BPIFB4: variants seen among roughly 807,000 people sequenced by gnomAD.
BPIFB4 encodes BPI fold-containing family B member 4.
In BPIFB4, 62 loss-of-function variants were observed where a neutral mutation model predicts 69.2. That is an observed-to-expected ratio of 0.90 (90% CI 0.73 to 1.11). The LOEUF (loss-of-function observed/expected upper bound fraction) is 1.11. Ranked by LOEUF, BPIFB4 falls within the 50% of genes least tolerant of loss-of-function variation. The pLI, the probability that BPIFB4 is intolerant of heterozygous loss-of-function variation, is 0.00. For missense variants in BPIFB4, 789 were observed against 792.0 expected, an observed-to-expected ratio of 1.00 and a Z score of 0.04; for synonymous variants, 330 against 332.7, an observed-to-expected ratio of 0.99 and a Z score of 0.09.
rs767664604 is a variant in BPIFB4, at chr20:33,107,807, T to C, written c.1808T>C (p.Ile603Thr). 1.2e-5 allele frequency: 19 copies of C among 1,613,830 alleles called. No individual in the cohort carries two copies. In the African/African-American group the frequency reaches 1.2e-4, roughly 10 times the overall value. Residue 603 changes from isoleucine (I) to threonine (T), a missense_variant, in exon 17 of 18, where the codon ATT becomes ACT. Around this residue, in one of 3 missense-constraint regions of BPIFB4, gnomAD observed 170 missense variants for 193.6 expected, o/e 0.88. Transcript: ENST00000375483. ...AACATCGACTTTAGCAATGCAGACATTGACGTGTTGGAGGTAAGAGGAGAT... is the reference window on the plus strand; with the variant it reads ...AACATCGACTTTAGCAATGCAGACACTGACGTGTTGGAGGTAAGAGGAGAT... ...ILNIDFSNAD[I>T]DVLEDLLVLS... is the part of the protein sequence containing the mutation.
At position 33,083,010 on chromosome 20, in the gene BPIFB4, G is replaced by C; in HGVS notation, c.169+10G>C. 1 of 1,607,338 alleles carries C rather than the reference G, an allele frequency of 6.2e-7. No homozygotes were observed. The highest frequency in any genetic ancestry group is 1.1e-5 in the South Asian group (1 of 90,844). On this transcript the variant is annotated intron_variant, in intron 4 of 17. Coordinates refer to ENST00000375483, the MANE Select transcript of BPIFB4 (RefSeq NM_182519.3). ...AGAGAGGTGCCCTTGGGTAAAGCCCGTGGTGATGGTGGTGGGCCTCTCCTG... is the reference window on the plus strand; with the variant it reads ...AGAGAGGTGCCCTTGGGTAAAGCCCCTGGTGATGGTGGTGGGCCTCTCCTG...
At position 33,083,666 on chromosome 20, in the gene BPIFB4, A is replaced by G; in HGVS notation, c.469A>G (p.Ile157Val). ...CCGGCGAGAGCTGCAGCCTGGAGAA[A>G]TCCCACCTGGAGTTGCCACTGGGGC... ...LHRRELQPGE[I>V]PPGVATGAVG... Residue 157 changes from isoleucine (I) to valine (V), a missense_variant, in exon 5 of 18, where the codon ATC (isoleucine) becomes GTC (valine). Ile to Val is a conservative substitution (Grantham distance 29, BLOSUM62 3). Coordinates refer to ENST00000375483, the MANE Select transcript of BPIFB4 (RefSeq NM_182519.3). 1 of 1,614,024 alleles carries G rather than the reference A, an allele frequency of 6.2e-7. No homozygotes were observed. Among genetic ancestry groups the G allele is most frequent in the Non-Finnish European group, 8.5e-7 (1 of 1,179,972 alleles).
At chr20:33,103,591 C>T (rs933686707) in intron 15 of BPIFB4, among the ~76,000 whole-genome samples, 15 of 151,708 alleles carry the variant, frequency 9.9e-5, no homozygotes, top group East Asian at 3.9e-4. Context: ...GCCCCACCCC[C>T]ACCTAAGGCT....
At chr20:33,084,286 G>A (rs935479770) in intron 5 of BPIFB4, among the ~76,000 whole-genome samples, 4 of 152,202 alleles carry the variant, frequency 2.6e-5, no homozygotes, top group Non-Finnish European at 5.9e-5. Context: ...CTCCTGCTAT[G>A]TGCAGAGTAC....
chr20:33,099,213 C>T (rs962624137), intron 13 of BPIFB4, among the ~76,000 whole-genome samples: 1 of 152,190 alleles, frequency 6.6e-6, no homozygotes, highest in African/African-American at 2.4e-5. Context: ...GTCCCTCCTA[C>T]TCCCAAAGCT....
chr20:33,093,203 C>T, intron 11 of BPIFB4, among the ~76,000 whole-genome samples: 1 of 152,130 alleles, frequency 6.6e-6, no homozygotes, highest in East Asian at 1.9e-4. Flanking sequence ...ACCTATGCGT[C>T]CATTCACCCT....
At chr20:33,087,887 A>G (rs1016416089) in intron 7 of BPIFB4, among the ~76,000 whole-genome samples, 1 of 152,126 alleles carries the variant, frequency 6.6e-6, no homozygotes, top group Admixed American at 6.5e-5. Flanking sequence ...TTTGGGAGAA[A>G]TGTTCTAATT....
At chr20:33,099,479 G>T (rs1021256971) in intron 13 of BPIFB4, among the ~76,000 whole-genome samples, 4 of 152,270 alleles carry the variant, frequency 2.6e-5, no homozygotes, top group African/African-American at 7.2e-5. Context: ...CTGTCCCAGG[G>T]ATGCAGCCCT....
At position 33,089,732 on chromosome 20, in the gene BPIFB4, C is replaced by CA. The variant is rs1271833997; in HGVS notation, c.1051+174_1051+175insA. ...GCTTTCCCTCTTGCTCCCAAACACC[C>CA]CCCCCGAGTACCAGAGGGAGGAGCT... is the stretch of plus-strand genomic sequence containing the variant. On this transcript the variant is annotated intron_variant, in intron 9 of 17. Transcript: ENST00000375483. Among the ~76,000 whole-genome samples, 8 of 152,210 alleles carry CA rather than the reference C, an allele frequency of 5.3e-5. 1 individual carries two copies. In the South Asian group the frequency reaches 1.5e-3, roughly 28 times the overall value.
At chr20:33,104,498 C>T (rs937522240) in intron 15 of BPIFB4, among the ~76,000 whole-genome samples, 10 of 152,184 alleles carry the variant, frequency 6.6e-5, no homozygotes, top group Non-Finnish European at 1.3e-4. Context: ...GGGGCCAGGC[C>T]ACCCTGAAAC....
At chr20:33,107,953 C>T (rs1982118787) in intron 17 of BPIFB4, 133 bp downstream of exon 17, 3 of 754,482 alleles carry the variant, frequency 4.0e-6, no homozygotes, top group Non-Finnish European at 6.8e-6. Context: ...GGTCCTCTTC[C>T]TTCCAAGCAT....
intron 4 of BPIFB4, 132 bp downstream of exon 4, chr20:33,083,132 C>T: frequency 1.1e-6 from 1 of 882,174 alleles, no homozygotes; most frequent in South Asian, 1.6e-5. Context: ...TGGCAGTGAT[C>T]TGTTGGGTGG....
chr20:33,086,043 G>T lies in BPIFB4; in HGVS notation c.805G>T (p.Ala269Ser), dbSNP rs374496259. ...GKSLIGFLDI[A>S]VEVNITAKVR... is the part of the protein sequence containing the mutation. The stretch of plus-strand genomic sequence containing the variant: ...CAGTCTTATTGGCTTCCTGGACATC[G>T]CAGTAGAAGTGAACATCACAGCCAA... Residue 269 changes from alanine to serine, a missense_variant, in exon 7 of 18, where the codon GCA becomes TCA. Around this residue, in one of 3 missense-constraint regions of BPIFB4, gnomAD observed 611 missense variants for 575.4 expected, o/e 1.06. Transcript: ENST00000375483. 4 of 1,611,894 alleles carry T rather than the reference G, an allele frequency of 2.5e-6. No homozygotes were observed. Among genetic ancestry groups the T allele is most frequent in the East Asian group, 4.5e-5 (2 of 44,812 alleles).
In BPIFB4 at chr20:33,111,687, C is replaced by G; in HGVS notation, c.*250C>G. ...AGTCACCTTGGGGCTGGAGGCCTCT[C>G]AGACCCCATCCTGACAGCAGGTTGA... On this transcript the variant is annotated 3_prime_UTR_variant, in exon 18 of 18. Coordinates refer to ENST00000375483, the MANE Select transcript of BPIFB4 (RefSeq NM_182519.3). 1 of 523,714 alleles carries G rather than the reference C, an allele frequency of 1.9e-6. No homozygotes were observed. Among genetic ancestry groups the G allele is most frequent in the African/African-American group, 1.9e-5 (1 of 53,148 alleles). 32.4% of individuals were successfully genotyped at this position (523,714 alleles called of 1,614,324 possible).
At position 33,101,734 on chromosome 20, in the gene BPIFB4, C is replaced by T. The variant is rs149170860; in HGVS notation, c.1638-1238C>T. 6.4e-3 allele frequency among the ~76,000 whole-genome samples: 973 copies of T among 152,160 alleles called. 9 individuals carry two copies. Among genetic ancestry groups the T allele is most frequent in the African/African-American group, 0.022 (898 of 41,484 alleles). On this transcript the variant is annotated intron_variant, in intron 14 of 17. Coordinates refer to ENST00000375483, the MANE Select transcript of BPIFB4 (RefSeq NM_182519.3). ...CTAATTTTTATATTTCTAGTAGAGA[C>T]GGGGTTTCGCCATGTTGGCCAGCCT...
In BPIFB4 at chr20:33,085,630, C is replaced by T. The variant is rs143770200; in HGVS notation, c.783-391C>T. Among the ~76,000 whole-genome samples the T allele has an allele frequency of 8.5e-5, 13 of 152,188 alleles. No homozygotes were observed. The East Asian group carries it at 2.1e-3, about 25-fold the overall frequency. On this transcript the variant is annotated intron_variant, in intron 6 of 17. Transcript: ENST00000375483. ...ACCCCCTTTTCCAGGTGACTGTGGCCGTAAGTGGGGAAAGGCAAGCAAAAT... is the reference window on the plus strand; with the variant it reads ...ACCCCCTTTTCCAGGTGACTGTGGCTGTAAGTGGGGAAAGGCAAGCAAAAT...
intron 11 of BPIFB4, 56 bp downstream of exon 11, chr20:33,092,714 C>T (rs1981642182): frequency 2.0e-6 from 3 of 1,494,018 alleles, no homozygotes; most frequent in African/African-American, 2.8e-5. Context: ...CTGCCAGTGA[C>T]CCTTCTCAGT....
intron 7 of BPIFB4, among the ~76,000 whole-genome samples, chr20:33,088,340 CAAAA>C (rs11167197): frequency 2.4e-5 from 3 of 122,820 alleles, no homozygotes; most frequent in Non-Finnish European, 3.5e-5. Context: ...GACTCTGTCT[CAAAA>C]AAAAAAAAAA....
chr20:33,099,831 A>G (rs2146412943), intron 13 of BPIFB4, among the ~76,000 whole-genome samples: 1 of 152,228 alleles, frequency 6.6e-6, no homozygotes, highest in Non-Finnish European at 1.5e-5. Context: ...TCAGGAGCTT[A>G]CTGTTTTTTC....
Sources: gnomAD v4.1 joint callset for allele counts (sites outside exome capture counted in the v4.1 genomes callset) on GRCh38, gnomAD v4.1.1 for gene constraint, gnomAD v4.1.1 regional missense constraint, MANE v1.5 for transcripts, NCBI Gene and HGNC (gene_info 2026-07-23, HGNC 2026-07-21) for gene names.